TSC22D3: variants seen among roughly 807,000 people sequenced by gnomAD.
TSC22D3 encodes TSC22 domain family protein 3.
TSC22D3 carries 4 observed loss-of-function variants against 11.1 expected under a neutral mutation model. That is an observed-to-expected ratio of 0.36 (90% CI 0.18 to 0.83). The LOEUF is 0.83. Among genes scored for constraint, TSC22D3 ranks in the 40% least tolerant of loss-of-function variants. TSC22D3 has a pLI of 0.48. For missense variants in TSC22D3, 118 were observed against 159.4 expected (o/e 0.74, Z 1.40); for synonymous variants, 77 against 70.3 (o/e 1.10, Z -0.48).
intron 1 of TSC22D3, among the ~76,000 whole-genome samples, chrX:107,746,649 C>CAG (rs1928674359): frequency 8.9e-6 from 1 of 111,904 alleles, no homozygotes; most frequent in Admixed American, 9.4e-5. Context: ...TTTTTCCATA[C>CAG]CTTTTTTGCA....
intron 1 of TSC22D3, among the ~76,000 whole-genome samples, chrX:107,772,684 A>T (rs1184673327): frequency 2.9e-5 from 3 of 103,892 alleles, no homozygotes; most frequent in Non-Finnish European, 6.0e-5. Flanking sequence ...CCGTCCCTAT[A>T]AAAAAAAAAT....
At chrX:107,735,725 G>A (rs181127824) in intron 1 of TSC22D3, among the ~76,000 whole-genome samples, 3 of 92,611 alleles carry the variant, frequency 3.2e-5, no homozygotes, top group African/African-American at 1.3e-4. Context: ...CTCAGCACCC[G>A]CCCCCCCAGC....
At chrX:107,740,301 G>A (rs766158559) in intron 1 of TSC22D3, among the ~76,000 whole-genome samples, 10 of 111,981 alleles carry the variant, frequency 8.9e-5, no homozygotes, top group Non-Finnish European at 1.3e-4. Flanking sequence ...AAGAGAGATC[G>A]TGCTGGGCAT....
chrX:107,756,426 C>T (rs754552562), intron 1 of TSC22D3, among the ~76,000 whole-genome samples: 123 of 112,673 alleles, frequency 1.1e-3, no homozygotes, highest in Admixed American at 2.1e-3. Flanking sequence ...AGTTAGTCCA[C>T]GTACCACCTA....
chrX:107,774,795 T>G (rs1014109522), intron 1 of TSC22D3: 11 of 351,797 alleles, frequency 3.1e-5, no homozygotes, highest in Non-Finnish European at 4.4e-5. Flanking sequence ...TGGAAATGTA[T>G]GCATTTGAGG....
At chrX:107,715,218 T>A (rs971718209) in intron 2 of TSC22D3, among the ~76,000 whole-genome samples, 5 of 111,687 alleles carry the variant, frequency 4.5e-5, no homozygotes, top group African/African-American at 1.6e-4. Flanking sequence ...TATTTTAGAG[T>A]CTCCTCCCCT....
At chrX:107,736,034 C>T (rs1215275300) in intron 1 of TSC22D3, among the ~76,000 whole-genome samples, 1 of 111,984 alleles carries the variant, frequency 8.9e-6, no homozygotes, top group Non-Finnish European at 1.9e-5. Context: ...TCTAACCAGG[C>T]CTGTGTAATT....
At chrX:107,758,626 G>A (rs781325127) in intron 1 of TSC22D3, among the ~76,000 whole-genome samples, 1 of 111,650 alleles carries the variant, frequency 9.0e-6, no homozygotes, top group Non-Finnish European at 1.9e-5. Context: ...GGCCAGACCA[G>A]TCTCTCTTTG....
chrX:107,765,555 A>T (rs1233172737), intron 1 of TSC22D3, among the ~76,000 whole-genome samples: 1 of 112,655 alleles, frequency 8.9e-6, no homozygotes, highest in Non-Finnish European at 1.9e-5. Context: ...TGGATTGATT[A>T]ATTGAAGTGC....
intron 1 of TSC22D3, among the ~76,000 whole-genome samples, chrX:107,737,863 A>G (rs749260511): frequency 6.2e-5 from 7 of 112,287 alleles, no homozygotes; most frequent in African/African-American, 2.3e-4. Context: ...GAGAAAGCTC[A>G]GCAAAGAGAT....
intron 1 of TSC22D3, among the ~76,000 whole-genome samples, chrX:107,742,872 C>G (rs776876400): frequency 8.9e-6 from 1 of 111,998 alleles, no homozygotes; most frequent in South Asian, 3.7e-4. Context: ...TCACATCATC[C>G]GCGAGAGATC....
intron 1 of TSC22D3, among the ~76,000 whole-genome samples, chrX:107,738,184 C>G (rs888175860): frequency 8.9e-6 from 1 of 112,443 alleles, no homozygotes; most frequent in African/African-American, 3.2e-5. Context: ...AGAAGCAGCC[C>G]CGTCTTTTCT....
chrX:107,735,180 G>A, intron 1 of TSC22D3, among the ~76,000 whole-genome samples: 1 of 110,876 alleles, frequency 9.0e-6, no homozygotes, highest in Non-Finnish European at 1.9e-5. Context: ...TTCTCCCTAA[G>A]AGGCCAACAT....
intron 1 of TSC22D3, among the ~76,000 whole-genome samples, chrX:107,754,114 T>C (rs922810036): frequency 1.6e-4 from 18 of 110,300 alleles, no homozygotes; most frequent in African/African-American, 5.9e-4. Context: ...GAGACGGGGA[T>C]TTCACTATGT....
intron 1 of TSC22D3, among the ~76,000 whole-genome samples, chrX:107,754,892 C>A (rs1436104203): frequency 8.9e-6 from 1 of 111,732 alleles, no homozygotes; most frequent in Admixed American, 9.6e-5. Flanking sequence ...ATAAATAACT[C>A]CCACAAGCTT....
intron 1 of TSC22D3, among the ~76,000 whole-genome samples, chrX:107,763,618 C>T (rs1462181305): frequency 1.8e-5 from 2 of 111,736 alleles, no homozygotes. Flanking sequence ...AGCTCTGTGC[C>T]CCACTGCCTC....
intron 1 of TSC22D3, among the ~76,000 whole-genome samples, chrX:107,739,532 T>C (rs762694514): frequency 1.6e-4 from 18 of 112,285 alleles, no homozygotes; most frequent in Non-Finnish European, 3.2e-4. Flanking sequence ...GGCAAGGGCA[T>C]GCGTGTTGGA....
chrX:107,740,359 G>A (rs1301582131), intron 1 of TSC22D3, among the ~76,000 whole-genome samples: 3 of 111,715 alleles, frequency 2.7e-5, no homozygotes, highest in African/African-American at 6.5e-5. Context: ...CGAGGCGGGC[G>A]GATCACGAGG....
chrX:107,755,898 C>T (rs976704339), intron 1 of TSC22D3, among the ~76,000 whole-genome samples: 2 of 111,776 alleles, frequency 1.8e-5, no homozygotes, highest in African/African-American at 6.5e-5. Flanking sequence ...TGCCTATTTC[C>T]CCATGTCTGC....
Sources: allele counts gnomAD v4.1 joint callset (sites outside exome capture counted in the v4.1 genomes callset), GRCh38; gene constraint gnomAD v4.1.1; transcripts MANE v1.5; gene names NCBI Gene and HGNC (gene_info 2026-07-23, HGNC 2026-07-21).